CEP350: variants seen among roughly 807,000 people sequenced by gnomAD.
CEP350 encodes the protein centrosomal protein 350.
CEP350 carries 126 observed loss-of-function variants against 331.8 expected under a neutral mutation model. The ratio of observed to expected loss-of-function variants is 0.38; its 90% confidence interval spans 0.33 to 0.44. The LOEUF is 0.44. CEP350 is among the 20% of genes least tolerant of loss of function. The probability of loss-of-function intolerance (pLI) is 1.00; values close to 1 mark genes in which losing one functional copy is unlikely to be tolerated. For missense variants in CEP350, 3,406 were observed against 3,634.6 expected, an observed-to-expected ratio of 0.94 and a Z score of 1.62; for synonymous variants, 1,200 against 1,259.5, an observed-to-expected ratio of 0.95 and a Z score of 1.00.
chr1:180,062,310 C>A lies in CEP350; in HGVS notation c.5353C>A (p.Arg1785=). ...ACAGCAGGAGGAGATAGAAAAGATCCGACAGACCACCATAAAACTACAGGA... is the reference window on the plus strand; with the variant it reads ...ACAGCAGGAGGAGATAGAAAAGATCAGACAGACCACCATAAAACTACAGGA... ...LKQQEEIEKI[R]QTTIKLQEKL... is the part of the protein sequence containing the mutation. The change falls in exon 26 of 38, where the codon CGA becomes AGA. Residue 1785 remains arginine (R), a synonymous_variant. Coordinates refer to ENST00000367607, the MANE Select transcript of CEP350 (RefSeq NM_014810.5). 1.2e-6 allele frequency: 2 copies of A among 1,610,106 alleles called. No individual in the cohort carries two copies. The highest frequency in any genetic ancestry group is 1.7e-6 in the Non-Finnish European group (2 of 1,177,990).
chr1:180,100,979 A>G (rs1004312120), intron 37 of CEP350, among the ~76,000 whole-genome samples: 2 of 152,228 alleles, frequency 1.3e-5, no homozygotes, highest in Non-Finnish European at 2.9e-5. Flanking sequence ...CAGCCAAACC[A>G]TATCAGTACC....
chr1:179,958,280 A>G (rs1053209725), intron 1 of CEP350, among the ~76,000 whole-genome samples: 2 of 152,192 alleles, frequency 1.3e-5, no homozygotes, highest in Admixed American at 6.5e-5. Flanking sequence ...GGCATTCCCT[A>G]TCAAGATTAA....
chr1:180,019,842 C>T (rs1655205184), intron 11 of CEP350, 107 bp from the exon 12 acceptor site: 5 of 869,660 alleles, frequency 5.7e-6, no homozygotes, highest in Admixed American at 3.1e-5. Context: ...TTTTATCTGT[C>T]CTTTTTTTGT....
Position 180,003,196 on chromosome 1 carries a change from G to T in CEP350, c.1041G>T (p.Lys347Asn). The T allele has an allele frequency of 6.2e-7, 1 of 1,613,032 alleles. No homozygotes were observed. Among genetic ancestry groups the T allele is most frequent in the South Asian group, 1.1e-5 (1 of 90,864 alleles). ...AYKGFNPSETKIRTPDGKVWQ... is the reference protein window; with the variant it reads ...AYKGFNPSETNIRTPDGKVWQ... The stretch of plus-strand genomic sequence containing the variant: ...TAGGTTTCAACCCTTCAGAGACCAA[G>T]ATTCGAACACCTGATGGGAAAGTGT... The change falls in exon 7 of 38, where the codon AAG (lysine) becomes AAT (asparagine). Residue 347 changes from lysine to asparagine, a missense_variant. Lys to Asn is a moderately conservative substitution (Grantham distance 94, BLOSUM62 0). Coordinates refer to ENST00000367607, the MANE Select transcript of CEP350 (RefSeq NM_014810.5).
chr1:180,062,738 A>T (rs901385118), intron 26 of CEP350, among the ~76,000 whole-genome samples: 1 of 152,152 alleles, frequency 6.6e-6, no homozygotes, highest in Non-Finnish European at 1.5e-5. Context: ...TTCTTCTCTT[A>T]TTAAGCCACT....
intron 6 of CEP350, among the ~76,000 whole-genome samples, chr1:179,998,597 C>T (rs1046409936): frequency 2.6e-5 from 4 of 152,038 alleles, no homozygotes; most frequent in Admixed American, 2.6e-4. Flanking sequence ...TGAATCACCA[C>T]ACCCAGCCTG....
intron 12 of CEP350, among the ~76,000 whole-genome samples, chr1:180,022,265 A>G (rs1391501010): frequency 6.6e-6 from 1 of 150,606 alleles, no homozygotes; most frequent in Non-Finnish European, 1.5e-5. Flanking sequence ...CATTTTTAAT[A>G]AGAAAATTGT....
At chr1:179,995,350 C>A (rs1301572804) in intron 5 of CEP350, among the ~76,000 whole-genome samples, 2 of 152,160 alleles carry the variant, frequency 1.3e-5, no homozygotes, top group Non-Finnish European at 2.9e-5. Context: ...CCTGTAATCC[C>A]AGCACTTTGG....
chr1:179,967,604 G>A (rs2148572512), intron 1 of CEP350, among the ~76,000 whole-genome samples: 1 of 152,102 alleles, frequency 6.6e-6, no homozygotes, highest in African/African-American at 2.4e-5. Flanking sequence ...TAGAGATGGG[G>A]TTTCACCATG....
rs1653495093 is a variant in CEP350 at position 179,996,927 on chromosome 1, C to T, written c.770C>T (p.Ser257Phe). The change falls in exon 6 of 38, where the codon TCT becomes TTT. Residue 257 changes from serine to phenylalanine, a missense_variant. Around this residue, in one of 5 missense-constraint regions of CEP350, gnomAD observed 1,857 missense variants for 1,909.2 expected, o/e 0.97. Transcript: ENST00000367607. ...TDPKALRLTD[S>F]SPSSTSTSNS... ...CCAAAAGCGTTACGACTAACTGACT[C>T]TTCTCCATCCTCTACTAGTACTTCT... 1 of 1,613,924 alleles carries T rather than the reference C, an allele frequency of 6.2e-7. No individual in the cohort carries two copies. The highest frequency in any genetic ancestry group is 1.3e-5 in the African/African-American group (1 of 74,938).
Position 180,093,242 on chromosome 1 carries a change from T to G in CEP350, c.7137T>G (p.Phe2379Leu), listed in dbSNP as rs1303266385. ...APKEIPYSED[F>L]EVSSFKKEIS... is the part of the protein sequence containing the mutation. Reference sequence around the variant, plus strand: ...AAGAGATACCATACTCTGAAGATTTTGAAGTGTCTTCTTTCAAGAAAGAAA... The same window carrying G: ...AAGAGATACCATACTCTGAAGATTTGGAAGTGTCTTCTTTCAAGAAAGAAA... Residue 2379 changes from phenylalanine to leucine, a missense_variant, in exon 34 of 38, where the codon TTT becomes TTG. By Grantham distance (22) the Phe-to-Leu change is conservative. Transcript: ENST00000367607. 6 of 1,602,208 alleles carry G rather than the reference T, an allele frequency of 3.7e-6. No individual in the cohort carries two copies. In the South Asian group the frequency reaches 6.7e-5, roughly 18 times the overall value.
intron 17 of CEP350, among the ~76,000 whole-genome samples, chr1:180,040,836 C>A (rs1656714707): frequency 6.6e-6 from 1 of 151,966 alleles, no homozygotes; most frequent in Non-Finnish European, 1.5e-5. Context: ...CATTTTTTAT[C>A]CCTTCCAAAA....
At chr1:180,046,526 G>A (rs969557303) in intron 21 of CEP350, among the ~76,000 whole-genome samples, 2 of 152,122 alleles carry the variant, frequency 1.3e-5, no homozygotes, top group Non-Finnish European at 2.9e-5. Flanking sequence ...ACTATTATAA[G>A]TAATGCTGTG....
At chr1:179,985,868 T>A (rs979887786) in intron 1 of CEP350, among the ~76,000 whole-genome samples, 9 of 152,154 alleles carry the variant, frequency 5.9e-5, no homozygotes, top group African/African-American at 1.9e-4. Context: ...AACCAAACCA[T>A]ATCATATATC....
At position 180,022,509 on chromosome 1, in the gene CEP350, T is replaced by G. The variant is rs1323516451; in HGVS notation, c.3236-189T>G. Among the ~76,000 whole-genome samples the G allele has an allele frequency of 2.0e-5, 3 of 152,162 alleles. No homozygotes were observed. In the East Asian group the frequency reaches 5.8e-4, roughly 29 times the overall value. ...TACTAGTCTCCCTGTTTTCTGTATG[T>G]TTTAAAATTTTCCTAATTAAAAGCT... On this transcript the variant is annotated intron_variant, in intron 12 of 37. Coordinates refer to ENST00000367607, the MANE Select transcript of CEP350 (RefSeq NM_014810.5).
intron 6 of CEP350, chr1:180,000,744 T>A (rs1249735810): frequency 1.3e-5 from 2 of 154,448 alleles, no homozygotes; most frequent in Non-Finnish European, 2.9e-5. Flanking sequence ...TACGACTGTT[T>A]GTGCTCCCTG....
chr1:180,087,392 T>C, intron 31 of CEP350, 186 bp from the exon 32 acceptor site: 1 of 438,014 alleles, frequency 2.3e-6, no homozygotes, highest in Non-Finnish European at 4.0e-6. Flanking sequence ...ATATAGATTA[T>C]TTTGAGAAGG....
chr1:180,080,632 C>A lies in CEP350; in HGVS notation c.6095C>A (p.Ser2032Ter). 6.2e-7 allele frequency: 1 copy of A among 1,613,754 alleles called. No individual in the cohort carries two copies. Among genetic ancestry groups the A allele is most frequent in the South Asian group, 1.1e-5 (1 of 91,050 alleles). ...IKSHQHCYSW[S>*]DESLSMTQSE... ...TCCCATCAGCACTGTTATAGTTGGT[C>A]AGATGAGTCATTATCTATGACACAG... Residue 2032 changes from serine to a stop codon, truncating the protein, a stop_gained, in exon 30 of 38, where the codon TCA (serine) becomes TAA (stop). Coordinates refer to ENST00000367607, the MANE Select transcript of CEP350 (RefSeq NM_014810.5). LOFTEE classifies it high-confidence loss of function.
At chr1:179,957,711 G>A (rs1272298645) in intron 1 of CEP350, among the ~76,000 whole-genome samples, 3 of 152,162 alleles carry the variant, frequency 2.0e-5, no homozygotes, top group African/African-American at 7.2e-5. Flanking sequence ...CAGATTTGCT[G>A]GGTAGCAAGG....
Sources: allele counts gnomAD v4.1 joint callset (sites outside exome capture counted in the v4.1 genomes callset), GRCh38; gene constraint gnomAD v4.1.1; regional missense constraint gnomAD v4.1.1; transcripts MANE v1.5; gene names NCBI Gene and HGNC (gene_info 2026-07-23, HGNC 2026-07-21).